Variants in DCBLD1 observed in about 807,000 individuals in gnomAD.
The protein encoded by DCBLD1 is discoidin, CUB and LCCL domain-containing protein 1.
In DCBLD1, 57 loss-of-function variants were observed where a neutral mutation model predicts 71.5. The ratio of observed to expected loss-of-function variants is 0.80; its 90% confidence interval spans 0.64 to 0.99. DCBLD1 has a LOEUF of 0.99. Ranked by LOEUF, DCBLD1 falls within the 50% of genes least tolerant of loss-of-function variation. The pLI is 0.00. For synonymous variants in DCBLD1, 380 were observed against 363.8 expected (o/e 1.04, Z -0.51); for missense variants, 891 against 923.5 (o/e 0.96, Z 0.46).
At chr6:117,537,662 C>CTT (rs68032011) in intron 7 of DCBLD1, among the ~76,000 whole-genome samples, 835 of 46,882 alleles carry the variant, frequency 0.018, 187 homozygotes, top group Middle Eastern at 0.059. Context: ...TACATAGCAC[C>CTT]TTTTTTTTTT....
intron 4 of DCBLD1, among the ~76,000 whole-genome samples, chr6:117,524,596 T>C (rs1425091461): frequency 2.0e-5 from 3 of 152,122 alleles, no homozygotes; most frequent in Non-Finnish European, 4.4e-5. Flanking sequence ...CGGTAGCCAC[T>C]AGCCACGGGT....
chr6:117,482,941 C>G, intron 1 of DCBLD1, 48 bp downstream of exon 1: 1 of 1,150,382 alleles, frequency 8.7e-7, no homozygotes, highest in Non-Finnish European at 1.1e-6. Flanking sequence ...GCGCCAGGGG[C>G]GGGCTGAGGG....
At chr6:117,512,440 A>G (rs1778053937) in intron 2 of DCBLD1, among the ~76,000 whole-genome samples, 1 of 152,190 alleles carries the variant, frequency 6.6e-6, no homozygotes, top group Non-Finnish European at 1.5e-5. Flanking sequence ...AATGGCCTTG[A>G]AAATTCTGTA....
At chr6:117,493,941 T>G (rs923246118) in intron 1 of DCBLD1, among the ~76,000 whole-genome samples, 1 of 152,208 alleles carries the variant, frequency 6.6e-6, no homozygotes, top group African/African-American at 2.4e-5. Context: ...GAAATTACTC[T>G]TTGTATGTGT....
chr6:117,483,032 C>T (rs1309157248), intron 1 of DCBLD1, 139 bp downstream of exon 1: 10 of 949,158 alleles, frequency 1.1e-5, no homozygotes, highest in African/African-American at 3.5e-5. Context: ...AAGTCGGGCT[C>T]GCCGCCTGCC....
chr6:117,538,862 T>A (rs887125610), intron 8 of DCBLD1, 27 bp downstream of exon 8: 19 of 1,591,564 alleles, frequency 1.2e-5, no homozygotes, highest in Non-Finnish European at 1.5e-5. Flanking sequence ...AAGTGCCAAG[T>A]GCAGGAGTAG....
intron 2 of DCBLD1, among the ~76,000 whole-genome samples, chr6:117,510,360 GACAC>G (rs35676008): frequency 0.027 from 3,978 of 146,814 alleles, 87 homozygotes; most frequent in Non-Finnish European, 0.041. Context: ...CACAGACACA[GACAC>G]ACACACACAC....
At chr6:117,525,777 C>T (rs1778529953) in intron 5 of DCBLD1, among the ~76,000 whole-genome samples, 2 of 152,180 alleles carry the variant, frequency 1.3e-5, no homozygotes. Flanking sequence ...GAGCAAAGGA[C>T]ATGAATATTC....
intron 1 of DCBLD1, among the ~76,000 whole-genome samples, chr6:117,494,044 G>A (rs1211035646): frequency 2.6e-5 from 4 of 152,100 alleles, no homozygotes; most frequent in African/African-American, 4.8e-5. Flanking sequence ...TGTCATGAAG[G>A]CTAAATAAGG....
intron 4 of DCBLD1, among the ~76,000 whole-genome samples, chr6:117,522,964 A>C (rs1778433638): frequency 1.3e-5 from 2 of 152,064 alleles, no homozygotes; most frequent in African/African-American, 4.8e-5. Flanking sequence ...GAATGAGATT[A>C]TTTTATGTGC....
rs1172719559 is a variant in DCBLD1 at position 117,545,402 on chromosome 6, C to T, written c.1496-76C>T. 8 of 1,568,882 alleles carry T rather than the reference C, an allele frequency of 5.1e-6. No individual in the cohort carries two copies. In the Admixed American group the frequency reaches 8.7e-5, roughly 17 times the overall value. On this transcript the variant is annotated intron_variant, in intron 13 of 14. Transcript: ENST00000338728. The stretch of plus-strand genomic sequence containing the variant: ...TCAGGAGGCAGCCTGACCTCTGACT[C>T]ATCAAGGAACATGTTCTGGAGGACG...
At position 117,540,768 on chromosome 6, in the gene DCBLD1, A is replaced by G. The variant is rs1186019183; in HGVS notation, c.1202A>G (p.Gln401Arg). The G allele has an allele frequency of 6.2e-7, 1 of 1,614,234 alleles. No homozygotes were observed. ...CGGGTTGTCCCCCAGACATGGCACC[A>G]GAGGATAGCCTTGAAGGTGGAGCTC... Reference protein sequence around the residue: ...YVRVVPQTWHQRIALKVELIG... With the variant: ...YVRVVPQTWHRRIALKVELIG... The change falls in exon 10 of 15, where the codon CAG (glutamine) becomes CGG (arginine). Residue 401 changes from glutamine (Q) to arginine (R), a missense_variant. By Grantham distance (43) the Gln-to-Arg change is conservative. Coordinates refer to ENST00000338728, the MANE Select transcript of DCBLD1 (RefSeq NM_001366458.2).
Position 117,530,361 on chromosome 6 carries a change from A to T in DCBLD1, c.586-1899A>T, listed in dbSNP as rs987059567. 5.3e-5 allele frequency among the ~76,000 whole-genome samples: 8 copies of T among 152,312 alleles called. No individual in the cohort carries two copies. The East Asian group carries it at 1.2e-3, about 22-fold the overall frequency. ...TCAGATCACCAGGAATTAGATTCTC[A>T]TAAGGAGCACACAGCCTAGATTCCT... On this transcript the variant is annotated intron_variant, in intron 5 of 14. Coordinates refer to ENST00000338728, the MANE Select transcript of DCBLD1 (RefSeq NM_001366458.2).
At chr6:117,491,105 G>A (rs930958129) in intron 1 of DCBLD1, among the ~76,000 whole-genome samples, 5 of 152,102 alleles carry the variant, frequency 3.3e-5, no homozygotes, top group Non-Finnish European at 5.9e-5. Context: ...CTTTTAAATG[G>A]CTGAGTGGAT....
intron 14 of DCBLD1, among the ~76,000 whole-genome samples, chr6:117,557,187 A>G (rs1307804958): frequency 6.6e-6 from 1 of 152,190 alleles, no homozygotes; most frequent in Non-Finnish European, 1.5e-5. Context: ...CTATGATGAT[A>G]GATTTAACAT....
At chr6:117,552,593 C>CT (rs1484868506), downstream of DCBLD1, among the ~76,000 whole-genome samples, 1 of 152,168 alleles carries the variant, frequency 6.6e-6, no homozygotes, top group African/African-American at 2.4e-5. Flanking sequence ...TTCCAGGCCA[C>CT]TTTTTTCCAT....
chr6:117,497,609 T>C (rs1176814385), intron 1 of DCBLD1, among the ~76,000 whole-genome samples: 3 of 152,200 alleles, frequency 2.0e-5, no homozygotes, highest in Non-Finnish European at 4.4e-5. Flanking sequence ...TGAGTCCATA[T>C]CTCTGTAACT....
At position 117,541,003 on chromosome 6, in the gene DCBLD1, C is replaced by G. The variant is rs762927988; in HGVS notation, c.1335C>G (p.Ile445Met). ...KKEDETITRP[I>M]PSEETSTGIN... is the part of the protein sequence containing the mutation. The stretch of plus-strand genomic sequence containing the variant: ...AAGATGAGACAATCACAAGGCCCAT[C>G]CCCTCGGAAGAAACATCCACAGGTA... Residue 445 changes from isoleucine to methionine, a missense_variant, in exon 11 of 15, where the codon ATC becomes ATG. Ile to Met is a conservative substitution (Grantham distance 10). Transcript: ENST00000338728. The G allele has an allele frequency of 5.6e-6, 9 of 1,614,056 alleles. No individual in the cohort carries two copies. Among genetic ancestry groups the G allele is most frequent in the Non-Finnish European group, 6.8e-6 (8 of 1,180,048 alleles).
intron 1 of DCBLD1, among the ~76,000 whole-genome samples, chr6:117,492,875 G>A (rs1056961303): frequency 7.2e-5 from 11 of 152,098 alleles, no homozygotes; most frequent in Non-Finnish European, 1.5e-4. Context: ...ATAAACCTAC[G>A]CTTGCACAAA....
Sources: gnomAD v4.1 joint callset for allele counts (sites outside exome capture counted in the v4.1 genomes callset) on GRCh38, gnomAD v4.1.1 for gene constraint, MANE v1.5 for transcripts, NCBI Gene and HGNC (gene_info 2026-07-23, HGNC 2026-07-21) for gene names.